Variants in RBFOX2 observed in about 807,000 individuals in gnomAD.
RBFOX2 encodes the protein RNA binding fox-1 homolog 2, also known as RNA binding protein fox-1 homolog 2.
Under a neutral mutation model 49.1 loss-of-function variants are expected in RBFOX2, and 10 were observed. The ratio of observed to expected loss-of-function variants is 0.20; its 90% CI spans 0.13 to 0.35. The LOEUF (loss-of-function observed/expected upper bound fraction) is 0.35, where lower values mean the gene tolerates loss of function less well. RBFOX2 is among the 10% of genes least tolerant of loss of function. The probability of loss-of-function intolerance (pLI) is 1.00; values close to 1 mark genes in which losing one functional copy is unlikely to be tolerated. For missense variants in RBFOX2, 323 were observed against 486.9 expected (o/e 0.66, Z 3.17); for synonymous variants, 183 against 187.4 (o/e 0.98, Z 0.19).
At chr22:35,904,985 G>T (rs1382387264) in intron 1 of RBFOX2, among the ~76,000 whole-genome samples, 1 of 152,204 alleles carries the variant, frequency 6.6e-6, no homozygotes, top group Admixed American at 6.5e-5. Context: ...ATTAGACAGA[G>T]CTGTCCTAGA....
intron 1 of RBFOX2, among the ~76,000 whole-genome samples, chr22:35,981,083 G>A (rs898501305): frequency 1.3e-5 from 2 of 152,086 alleles, no homozygotes; most frequent in Admixed American, 6.5e-5. Context: ...TTTAGTAGTG[G>A]AATAATAAAT....
At chr22:35,928,372 T>C (rs190552146) in intron 1 of RBFOX2, among the ~76,000 whole-genome samples, 11 of 152,278 alleles carry the variant, frequency 7.2e-5, no homozygotes, top group Admixed American at 5.9e-4. Flanking sequence ...CTCTGCCATA[T>C]ACCTTAGGAC....
chr22:36,028,427 C>T (rs1474651020), exon 1 of RBFOX2: 1 of 1,212,070 alleles, frequency 8.3e-7, no homozygotes. Flanking sequence ...CTCCGCCATC[C>T]GCCCGCGCCC....
intron 1 of RBFOX2, among the ~76,000 whole-genome samples, chr22:35,982,598 G>A (rs2150068627): frequency 6.6e-6 from 1 of 152,226 alleles, no homozygotes; most frequent in Admixed American, 6.5e-5. Flanking sequence ...AGGGAAGTGG[G>A]TAGGAGAAAA....
chr22:35,868,991 C>CTT (rs936436512), intron 1 of RBFOX2, among the ~76,000 whole-genome samples: 3 of 152,122 alleles, frequency 2.0e-5, no homozygotes, highest in Admixed American at 2.0e-4. Flanking sequence ...GGTTAAAGGG[C>CTT]TTTACCTTTA....
intron 1 of RBFOX2, chr22:35,997,978 G>C (rs1010047154): frequency 6.6e-6 from 1 of 152,086 alleles, no homozygotes; most frequent in Non-Finnish European, 1.5e-5. Flanking sequence ...CTCCAGACTG[G>C]GTGACAGAGT....
chr22:35,790,100 CTCATGTAT>C (rs1181962897), intron 2 of RBFOX2, among the ~76,000 whole-genome samples: 1 of 152,182 alleles, frequency 6.6e-6, no homozygotes. Context: ...TAAAATTAAT[CTCATGTAT>C]TCAAAACTGG....
intron 9 of RBFOX2, among the ~76,000 whole-genome samples, chr22:35,752,251 G>C (rs894549536): frequency 6.6e-6 from 1 of 152,068 alleles, no homozygotes; most frequent in East Asian, 1.9e-4. Context: ...ATTTATAGTA[G>C]TAAGAAAATG....
chr22:35,947,680 A>G (rs1291777168), intron 1 of RBFOX2, among the ~76,000 whole-genome samples: 1 of 139,954 alleles, frequency 7.1e-6, no homozygotes, highest in Admixed American at 6.9e-5. Flanking sequence ...AGTAAAAAAA[A>G]AAAAAAAAAA....
At chr22:35,818,928 T>C (rs1953809749) in intron 1 of RBFOX2, among the ~76,000 whole-genome samples, 2 of 152,232 alleles carry the variant, frequency 1.3e-5, no homozygotes, top group Non-Finnish European at 2.9e-5. Flanking sequence ...AGTCTACCTC[T>C]TTAAAATAGA....
intron 1 of RBFOX2, chr22:35,821,666 T>C: frequency 2.0e-6 from 1 of 502,824 alleles, no homozygotes; most frequent in Non-Finnish European, 3.9e-6. Context: ...TGTCAGTCCT[T>C]TGAGGACTGA....
At chr22:36,003,866 T>C (rs59683662) in intron 1 of RBFOX2, among the ~76,000 whole-genome samples, 1 of 152,218 alleles carries the variant, frequency 6.6e-6, no homozygotes, top group Non-Finnish European at 1.5e-5. Flanking sequence ...ATTCAACAAC[T>C]GTTGCCTTTA....
intron 1 of RBFOX2, among the ~76,000 whole-genome samples, chr22:35,973,903 GT>G (rs2057011268): frequency 6.6e-6 from 1 of 152,198 alleles, no homozygotes; most frequent in South Asian, 2.1e-4. Context: ...CTCTTAGTGT[GT>G]TAAACTTCCC....
intron 1 of RBFOX2, among the ~76,000 whole-genome samples, chr22:35,981,654 A>C (rs1418919334): frequency 6.6e-6 from 1 of 151,994 alleles, no homozygotes; most frequent in Non-Finnish European, 1.5e-5. Context: ...AAAAAAAAAA[A>C]AAATTAGAAT....
intron 1 of RBFOX2, among the ~76,000 whole-genome samples, chr22:35,950,180 C>T (rs1373146421): frequency 1.4e-5 from 2 of 146,134 alleles, no homozygotes; most frequent in Non-Finnish European, 3.0e-5. Context: ...CATTTGCCAT[C>T]TTCTTCCTGT....
chr22:35,763,048 G>A lies in RBFOX2; in HGVS notation c.608-1580C>T, dbSNP rs545632355. Reference sequence around the variant, plus strand: ...TGCAACATCAAATTACACAAATACTGTGCAACATTTCTGCACAAATTAAGA... The same window carrying A: ...TGCAACATCAAATTACACAAATACTATGCAACATTTCTGCACAAATTAAGA... On this transcript the variant is annotated intron_variant, in intron 6 of 11. Coordinates refer to ENST00000405409, the Ensembl canonical transcript of RBFOX2. Among the ~76,000 whole-genome samples, 13 of 152,172 alleles carry A rather than the reference G, an allele frequency of 8.5e-5. No homozygotes were observed. In the South Asian group the frequency reaches 2.5e-3, roughly 29 times the overall value.
chr22:35,912,223 A>G (rs2049914405), intron 1 of RBFOX2, among the ~76,000 whole-genome samples: 1 of 152,230 alleles, frequency 6.6e-6, no homozygotes. Flanking sequence ...CCACTGGGAA[A>G]GCCCAACATA....
intron 1 of RBFOX2, among the ~76,000 whole-genome samples, chr22:35,851,267 T>A (rs1422519788): frequency 6.6e-5 from 10 of 152,218 alleles, no homozygotes; most frequent in African/African-American, 1.9e-4. Flanking sequence ...TTATCTTCAA[T>A]TTGCTGGTAC....
rs978933278 is a variant in RBFOX2, at chr22:35,897,196, T to C, written c.-34+41651A>G. On this transcript the variant is annotated intron_variant, in intron 1 of 13. Transcript: ENST00000359369. Reference sequence around the variant, plus strand: ...TACAGGATTCTCTAAAGAGACCACCTGGCTGGGTGCTCAAACCACACGGGC... The same window carrying C: ...TACAGGATTCTCTAAAGAGACCACCCGGCTGGGTGCTCAAACCACACGGGC... 1.9e-5 allele frequency: 15 copies of C among 779,838 alleles called. No homozygotes were observed. The African/African-American group carries it at 2.1e-4, about 11-fold the overall frequency. The allele number at this position is 779,838 out of a possible 1,614,324, so 48.3% of individuals were successfully genotyped here. A position where few individuals can be genotyped will look rare whatever the true frequency, so the allele number is the denominator to read the frequency against.
Sources: gnomAD v4.1 joint callset for allele counts (sites outside exome capture counted in the v4.1 genomes callset) on GRCh38, gnomAD v4.1.1 for gene constraint, MANE v1.5 for transcripts, NCBI Gene and HGNC (gene_info 2026-07-23, HGNC 2026-07-21) for gene names.